EDIL3: variants seen among roughly 807,000 people sequenced by gnomAD.
EDIL3 encodes the protein EGF like and discoidin domains 3, also known as EGF-like repeat and discoidin I-like domain-containing protein 3.
EDIL3 carries 37 observed loss-of-function variants against 67.4 expected under a neutral mutation model. The observed-to-expected ratio is 0.55, with a 90% CI of 0.42 to 0.72. The LOEUF (loss-of-function observed/expected upper bound fraction) is 0.72, where lower values mean the gene tolerates loss of function less well. Among genes scored for constraint, EDIL3 ranks in the 30% least tolerant of loss-of-function variants. EDIL3 has a pLI of 0.00. For missense variants in EDIL3, 527 were observed against 586.3 expected (o/e 0.90, Z 1.04); for synonymous variants, 195 against 196.3 (o/e 0.99, Z 0.05).
chr5:84,260,655 A>G (rs1294370038), intron 1 of EDIL3, among the ~76,000 whole-genome samples: 1 of 152,178 alleles, frequency 6.6e-6, no homozygotes, highest in Non-Finnish European at 1.5e-5. Context: ...CTGTTAATGT[A>G]TTTATGTATT....
At chr5:84,207,742 G>A (rs1214397276) in intron 3 of EDIL3, among the ~76,000 whole-genome samples, 25 of 151,732 alleles carry the variant, frequency 1.6e-4, no homozygotes, top group Admixed American at 3.3e-4. Flanking sequence ...AAATAATGCC[G>A]CATATCTACA....
chr5:84,112,406 T>G (rs531159231), intron 5 of EDIL3, among the ~76,000 whole-genome samples: 3 of 152,292 alleles, frequency 2.0e-5, no homozygotes, highest in African/African-American at 7.2e-5. Flanking sequence ...AATGGAGTGT[T>G]TGAATTTCAA....
chr5:84,279,553 A>C (rs1745653669), intron 1 of EDIL3, among the ~76,000 whole-genome samples: 1 of 152,202 alleles, frequency 6.6e-6, no homozygotes, highest in African/African-American at 2.4e-5. Context: ...ATTCCATTTT[A>C]ATTTGTAGAC....
chr5:83,991,911 G>A (rs1009631288), intron 9 of EDIL3, among the ~76,000 whole-genome samples: 2 of 152,070 alleles, frequency 1.3e-5, no homozygotes, highest in African/African-American at 2.4e-5. Flanking sequence ...TGCCGTCTAC[G>A]TTTGGTAGAT....
intron 1 of EDIL3, among the ~76,000 whole-genome samples, chr5:84,283,694 C>G (rs998372863): frequency 1.3e-5 from 2 of 152,138 alleles, no homozygotes; most frequent in African/African-American, 4.8e-5. Context: ...ATTATCCCTT[C>G]TGGAAAAAAG....
chr5:84,178,575 A>G (rs1748960355), intron 4 of EDIL3, among the ~76,000 whole-genome samples: 1 of 152,130 alleles, frequency 6.6e-6, no homozygotes, highest in Non-Finnish European at 1.5e-5. Flanking sequence ...TATTCATAAT[A>G]CTCATGGCTT....
chr5:84,172,612 A>C lies in EDIL3; in HGVS notation c.355+7781T>G, dbSNP rs149618654. On this transcript the variant is annotated intron_variant, in intron 4 of 10. Coordinates refer to ENST00000296591, the MANE Select transcript of EDIL3 (RefSeq NM_005711.5). The stretch of plus-strand genomic sequence containing the variant: ...AACAAAACAACAACAACAACAACAA[A>C]AAAATAAAAATAAAAGAAAAAGAGG... 7.1e-3 allele frequency among the ~76,000 whole-genome samples: 1,085 copies of C among 152,116 alleles called. 10 individuals carry two copies. Among genetic ancestry groups the C allele is most frequent in the African/African-American group, 0.021 (879 of 41,492 alleles).
At chr5:84,274,800 C>CAT (rs912332933) in intron 1 of EDIL3, among the ~76,000 whole-genome samples, 6 of 151,622 alleles carry the variant, frequency 4.0e-5, no homozygotes, top group Admixed American at 3.3e-4. Flanking sequence ...CACAGACACA[C>CAT]ACACACACAA....
intron 3 of EDIL3, among the ~76,000 whole-genome samples, chr5:84,211,481 C>G (rs576275128): frequency 1.3e-5 from 2 of 152,214 alleles, no homozygotes; most frequent in South Asian, 4.1e-4. Flanking sequence ...TACAGCAACA[C>G]AAATGAACTA....
chr5:84,106,594 C>T (rs1747466833), intron 6 of EDIL3, 55 bp downstream of exon 6: 2 of 1,490,144 alleles, frequency 1.3e-6, no homozygotes, highest in Non-Finnish European at 8.9e-7. Flanking sequence ...TTAAAATGAC[C>T]AGAATCATTT....
chr5:84,270,589 TATTTGCTTTA>T (rs954106972), intron 1 of EDIL3, among the ~76,000 whole-genome samples: 6 of 152,200 alleles, frequency 3.9e-5, no homozygotes, highest in Admixed American at 3.9e-4. Flanking sequence ...GTGAAATTTG[TATTTGCTTTA>T]ACGAACACCA....
intron 1 of EDIL3, among the ~76,000 whole-genome samples, chr5:84,292,775 C>CT: frequency 6.6e-6 from 1 of 152,226 alleles, no homozygotes; most frequent in East Asian, 1.9e-4. Context: ...GAAACACACT[C>CT]ACCCACCCAA....
At chr5:84,077,407 A>C (rs2112253863) in intron 6 of EDIL3, among the ~76,000 whole-genome samples, 1 of 152,332 alleles carries the variant, frequency 6.6e-6, no homozygotes, top group Non-Finnish European at 1.5e-5. Context: ...ACTGCTATGA[A>C]GAAATACCTG....
chr5:84,123,545 A>G (rs759519911), intron 5 of EDIL3, among the ~76,000 whole-genome samples: 5 of 151,990 alleles, frequency 3.3e-5, no homozygotes, highest in Non-Finnish European at 7.4e-5. Flanking sequence ...AGTAAAATAA[A>G]TCAATTGATT....
chr5:84,008,881 C>G (rs968176101), intron 9 of EDIL3, among the ~76,000 whole-genome samples: 2 of 152,166 alleles, frequency 1.3e-5, no homozygotes, highest in Admixed American at 6.5e-5. Context: ...GATGGGATCT[C>G]AGCTCACTGC....
intron 6 of EDIL3, among the ~76,000 whole-genome samples, chr5:84,092,903 G>A (rs545129016): frequency 6.6e-6 from 1 of 152,094 alleles, no homozygotes; most frequent in African/African-American, 2.4e-5. Context: ...TACAAATACT[G>A]CCCAAGCCCA....
intron 3 of EDIL3, among the ~76,000 whole-genome samples, chr5:84,223,267 A>G (rs559941829): frequency 6.6e-6 from 1 of 151,894 alleles, no homozygotes; most frequent in Non-Finnish European, 1.5e-5. Context: ...TCTAATAACT[A>G]TATGACCTAG....
At chr5:84,157,844 T>C (rs926523991) in intron 4 of EDIL3, among the ~76,000 whole-genome samples, 3 of 152,056 alleles carry the variant, frequency 2.0e-5, no homozygotes, top group Non-Finnish European at 4.4e-5. Context: ...ACGCTAAATG[T>C]AGAATTTACT....
At chr5:83,982,724 T>C (rs1744990267) in intron 9 of EDIL3, among the ~76,000 whole-genome samples, 1 of 152,188 alleles carries the variant, frequency 6.6e-6, no homozygotes, top group African/African-American at 2.4e-5. Context: ...ACATGATTTA[T>C]CTACTCATCC....
Sources: gnomAD v4.1 joint callset for allele counts (sites outside exome capture counted in the v4.1 genomes callset) on GRCh38, gnomAD v4.1.1 for gene constraint, MANE v1.5 for transcripts, NCBI Gene and HGNC (gene_info 2026-07-23, HGNC 2026-07-21) for gene names.